Variants in NPR3 observed in about 807,000 individuals in gnomAD.
The protein encoded by NPR3 is natriuretic peptide receptor 3, also known as atrial natriuretic peptide receptor 3.
A neutral mutation model predicts 54.5 loss-of-function variants in NPR3; 34 were observed. That is an observed-to-expected ratio of 0.62 (90% CI 0.47 to 0.83). The LOEUF (loss-of-function observed/expected upper bound fraction) is 0.83, where lower values mean the gene tolerates loss of function less well. Ranked by LOEUF, NPR3 falls within the 40% of genes least tolerant of loss-of-function variation. The pLI, the probability that NPR3 is intolerant of heterozygous loss-of-function variation, is 0.00. For synonymous variants in NPR3, 289 were observed against 297.1 expected, an observed-to-expected ratio of 0.97 and a Z score of 0.28; for missense variants, 674 against 720.8, an observed-to-expected ratio of 0.94 and a Z score of 0.74.
chr5:32,715,138 T>G (rs938524245), intron 1 of NPR3, among the ~76,000 whole-genome samples: 1 of 152,254 alleles, frequency 6.6e-6, no homozygotes, highest in Non-Finnish European at 1.5e-5. Flanking sequence ...GAGATGCAGA[T>G]GCCTCTGGAT....
intron 3 of NPR3, among the ~76,000 whole-genome samples, chr5:32,766,447 C>G (rs1741478486): frequency 6.6e-6 from 1 of 152,210 alleles, no homozygotes; most frequent in African/African-American, 2.4e-5. Flanking sequence ...CAGCATGTTT[C>G]TGTTACCAAG....
rs973400702 is a variant in NPR3 at position 32,787,221 on chromosome 5, T to C, written c.*876T>C. ...CTCTTTTTCTCCCTGTTTCCCTTTT[T>C]CCCTTGGCCACAGCCAAATGCTAAT... On this transcript the variant is annotated 3_prime_UTR_variant, in exon 8 of 8. Transcript: ENST00000265074. 2 of 152,616 alleles carry C rather than the reference T, an allele frequency of 1.3e-5. No homozygotes were observed. The highest frequency in any genetic ancestry group is 2.1e-4 in the South Asian group (1 of 4,830). The allele number at this position is 152,616 out of a possible 1,614,324, so 9.5% of individuals were successfully genotyped here.
At chr5:32,713,980 G>A (rs1231515152) in intron 1 of NPR3, among the ~76,000 whole-genome samples, 1 of 152,200 alleles carries the variant, frequency 6.6e-6, no homozygotes, top group Non-Finnish European at 1.5e-5. Context: ...CAACGGCTGC[G>A]GACTTGCCAC....
intron 3 of NPR3, among the ~76,000 whole-genome samples, chr5:32,764,198 A>G (rs374769416): frequency 2.6e-5 from 4 of 152,148 alleles, no homozygotes; most frequent in East Asian, 3.9e-4. Context: ...TTTACCATGG[A>G]CAGCAGAAGT....
At chr5:32,774,609 G>T in intron 3 of NPR3, 99 bp from the exon 4 acceptor site, 1 of 873,174 alleles carries the variant, frequency 1.1e-6, no homozygotes, top group South Asian at 1.4e-5. Flanking sequence ...ATGGCTAACA[G>T]ACCTGAAGTC....
Position 32,771,886 on chromosome 5 carries a change from G to A in NPR3, c.1060-2822G>A, listed in dbSNP as rs1741779362. ...GGCATCTCCCATAGGCCATGACTCT[G>A]TGATTCTCTGACTTCCCTCTGTAGC... On this transcript the variant is annotated intron_variant, in intron 3 of 7. Coordinates refer to ENST00000265074, the MANE Select transcript of NPR3 (RefSeq NM_001204375.2). Among the ~76,000 whole-genome samples the A allele has an allele frequency of 2.0e-5, 3 of 151,986 alleles. No individual in the cohort carries two copies. In the South Asian group the frequency reaches 6.2e-4, roughly 32 times the overall value.
intron 4 of NPR3, among the ~76,000 whole-genome samples, chr5:32,779,934 T>A (rs1287538592): frequency 2.6e-5 from 4 of 152,236 alleles, no homozygotes; most frequent in Admixed American, 2.6e-4. Context: ...TATGCCCATT[T>A]TACAGTTGTG....
At chr5:32,715,659 C>A (rs1738509347) in intron 1 of NPR3, among the ~76,000 whole-genome samples, 1 of 152,082 alleles carries the variant, frequency 6.6e-6, no homozygotes, top group Admixed American at 6.5e-5. Context: ...AGCTACTGCC[C>A]TCAATATTCC....
At chr5:32,725,049 AC>A (rs1739067748) in intron 2 of NPR3, among the ~76,000 whole-genome samples, 1 of 152,070 alleles carries the variant, frequency 6.6e-6, no homozygotes, top group African/African-American at 2.4e-5. Flanking sequence ...GCATGCTCTC[AC>A]TTACAAGTGG....
upstream of NPR3, among the ~76,000 whole-genome samples, chr5:32,708,000 A>C (rs1285497629): frequency 1.1e-4 from 7 of 65,032 alleles, no homozygotes; most frequent in African/African-American, 4.2e-4. Flanking sequence ...TAGCTTTAAA[A>C]AAAAAAAAAA....
intron 1 of NPR3, among the ~76,000 whole-genome samples, chr5:32,718,106 A>G (rs1382944907): frequency 1.3e-5 from 2 of 152,188 alleles, no homozygotes; most frequent in African/African-American, 4.8e-5. Flanking sequence ...CCATTTATTA[A>G]ATAGGGAATT....
intron 3 of NPR3, among the ~76,000 whole-genome samples, chr5:32,762,788 T>C (rs1741247277): frequency 6.6e-6 from 1 of 152,230 alleles, no homozygotes; most frequent in African/African-American, 2.4e-5. Flanking sequence ...GGTTGCCTGT[T>C]CACTCTGATG....
intron 4 of NPR3, 75 bp downstream of exon 4, chr5:32,774,918 T>C: frequency 8.2e-7 from 1 of 1,219,334 alleles, no homozygotes; most frequent in South Asian, 1.2e-5. Context: ...ATTTCTCAGT[T>C]GCAGCTGTGG....
chr5:32,771,251 C>T (rs1007926942), intron 3 of NPR3, among the ~76,000 whole-genome samples: 1 of 152,040 alleles, frequency 6.6e-6, no homozygotes, highest in Non-Finnish European at 1.5e-5. Context: ...CCGCAGTGGG[C>T]GGGGTGCCAG....
intron 3 of NPR3, among the ~76,000 whole-genome samples, chr5:32,760,271 A>T (rs1385246649): frequency 6.6e-6 from 1 of 152,154 alleles, no homozygotes; most frequent in African/African-American, 2.4e-5. Flanking sequence ...TGCAAGTTTA[A>T]CTTTATAAGA....
chr5:32,709,409 CTTTTTTT>C (rs372885729), upstream of NPR3: 1 of 132,390 alleles, frequency 7.6e-6, no homozygotes, highest in African/African-American at 2.6e-5. Flanking sequence ...TGTTCTTTTT[CTTTTTTT>C]TTTTTTTTAA....
At chr5:32,725,757 T>C (rs956700846) in intron 2 of NPR3, among the ~76,000 whole-genome samples, 25 of 152,368 alleles carry the variant, frequency 1.6e-4, no homozygotes, top group South Asian at 1.2e-3. Context: ...GTTACACCTA[T>C]GTTTACAGTG....
At chr5:32,782,298 G>T (rs1384643880) in intron 5 of NPR3, among the ~76,000 whole-genome samples, 1 of 152,140 alleles carries the variant, frequency 6.6e-6, no homozygotes, top group African/African-American at 2.4e-5. Context: ...AGGGCTGTGA[G>T]GCTGGGTACC....
chr5:32,718,163 T>C (rs956027066), intron 1 of NPR3, among the ~76,000 whole-genome samples: 5 of 152,342 alleles, frequency 3.3e-5, no homozygotes, highest in African/African-American at 1.2e-4. Context: ...TGTGTGGCAT[T>C]GTTTCTGAGG....
Sources: allele counts gnomAD v4.1 joint callset (sites outside exome capture counted in the v4.1 genomes callset), GRCh38; gene constraint gnomAD v4.1.1; transcripts MANE v1.5; gene names NCBI Gene and HGNC (gene_info 2026-07-23, HGNC 2026-07-21).